The following PLXDC2 variants were observed in gnomAD, a reference collection of about 807,000 sequenced individuals.
PLXDC2 encodes the protein plexin domain containing 2.
In PLXDC2, 40 loss-of-function variants were observed where a neutral mutation model predicts 68.9. The ratio of observed to expected loss-of-function variants is 0.58; its 90% CI spans 0.45 to 0.76. The LOEUF (loss-of-function observed/expected upper bound fraction) is 0.76, where lower values mean the gene tolerates loss of function less well. Ranked by LOEUF, PLXDC2 falls within the 30% of genes least tolerant of loss-of-function variation. PLXDC2 has a pLI of 0.00. For missense variants in PLXDC2, 644 were observed against 661.9 expected, an observed-to-expected ratio of 0.97 and a Z score of 0.30; for synonymous variants, 243 against 234.2, an observed-to-expected ratio of 1.04 and a Z score of -0.34.
chr10:19,867,841 AT>A (rs1837451709), intron 1 of PLXDC2, among the ~76,000 whole-genome samples: 1 of 152,182 alleles, frequency 6.6e-6, no homozygotes, highest in Non-Finnish European at 1.5e-5. Flanking sequence ...TATAGTGTGT[AT>A]GTATAAATGT....
At chr10:20,204,799 C>T (rs780714304) in intron 9 of PLXDC2, among the ~76,000 whole-genome samples, 16 of 152,238 alleles carry the variant, frequency 1.1e-4, no homozygotes, top group East Asian at 5.8e-4. Flanking sequence ...ACAGAAACAA[C>T]GTAGCCCTCA....
intron 1 of PLXDC2, among the ~76,000 whole-genome samples, chr10:19,933,681 C>T (rs560372463): frequency 2.6e-5 from 4 of 151,698 alleles, no homozygotes; most frequent in East Asian, 3.9e-4. Context: ...AACACACACG[C>T]GTGCACACAC....
At chr10:20,215,227 C>T (rs1835119986) in intron 10 of PLXDC2, among the ~76,000 whole-genome samples, 1 of 148,452 alleles carries the variant, frequency 6.7e-6, no homozygotes, top group African/African-American at 2.4e-5. Flanking sequence ...ACATCTGCAC[C>T]ATAGGCTGAT....
intron 1 of PLXDC2, among the ~76,000 whole-genome samples, chr10:19,859,323 C>A (rs879548999): frequency 6.6e-6 from 1 of 152,120 alleles, no homozygotes; most frequent in African/African-American, 2.4e-5. Flanking sequence ...GCCAAAGCAA[C>A]GCTGTAAAAC....
At chr10:20,042,312 T>C (rs1439833925) in intron 2 of PLXDC2, among the ~76,000 whole-genome samples, 1 of 152,172 alleles carries the variant, frequency 6.6e-6, no homozygotes, top group Non-Finnish European at 1.5e-5. Flanking sequence ...TTCTGAGGAG[T>C]ATAATTTTCA....
intron 7 of PLXDC2, 25 bp downstream of exon 7, chr10:20,164,592 A>G (rs1237343386): frequency 3.2e-6 from 5 of 1,547,142 alleles, no homozygotes; most frequent in African/African-American, 1.4e-5. Context: ...GGCAGTCGCA[A>G]TGAGTGAGCC....
intron 3 of PLXDC2, among the ~76,000 whole-genome samples, chr10:20,048,813 A>G (rs1835842257): frequency 6.6e-6 from 1 of 152,056 alleles, no homozygotes; most frequent in South Asian, 2.1e-4. Flanking sequence ...TCTCTTTGCA[A>G]TAGGTTTTAC....
chr10:20,197,559 T>C (rs980614368), intron 9 of PLXDC2, among the ~76,000 whole-genome samples: 3 of 152,172 alleles, frequency 2.0e-5, no homozygotes, highest in Non-Finnish European at 4.4e-5. Flanking sequence ...GGTTTCACCA[T>C]GTTGGCCAGG....
At chr10:19,941,871 G>A (rs1833824599) in intron 1 of PLXDC2, among the ~76,000 whole-genome samples, 6 of 151,266 alleles carry the variant, frequency 4.0e-5, no homozygotes, top group Admixed American at 3.3e-4. Flanking sequence ...TTATCTCAGC[G>A]AGCTATTCAG....
chr10:20,044,902 A>G lies in PLXDC2; in HGVS notation c.325-1967A>G, dbSNP rs531109235. Among the ~76,000 whole-genome samples the G allele has an allele frequency of 3.5e-4, 54 of 152,260 alleles. 1 individual carries two copies. The South Asian group carries it at 0.01, about 29-fold the overall frequency. On this transcript the variant is annotated intron_variant, in intron 2 of 13. Transcript: ENST00000377252. Reference sequence around the variant, plus strand: ...TCCACATCTTCTGATGGTGAAGCCCAATATACACAGATGAGTAGTATACAT... The same window carrying G: ...TCCACATCTTCTGATGGTGAAGCCCGATATACACAGATGAGTAGTATACAT...
intron 4 of PLXDC2, among the ~76,000 whole-genome samples, chr10:20,089,180 G>GTA (rs1420738973): frequency 1.3e-5 from 1 of 75,840 alleles, no homozygotes; most frequent in South Asian, 3.4e-4. Context: ...GTGTGTGTGT[G>GTA]TGTGTGTGTG....
chr10:19,985,749 T>C (rs1834625923), intron 1 of PLXDC2, among the ~76,000 whole-genome samples: 1 of 152,240 alleles, frequency 6.6e-6, no homozygotes, highest in Admixed American at 6.5e-5. Context: ...AAGCAATCTA[T>C]TTTGAAGTCA....
At chr10:20,144,947 C>T (rs1331422228) in intron 5 of PLXDC2, among the ~76,000 whole-genome samples, 4 of 152,078 alleles carry the variant, frequency 2.6e-5, no homozygotes, top group African/African-American at 9.7e-5. Flanking sequence ...TTGAATTTTA[C>T]TCGTATTTGA....
intron 1 of PLXDC2, among the ~76,000 whole-genome samples, chr10:19,994,746 T>A (rs12354926): frequency 0.01 from 1,536 of 151,370 alleles, 13 homozygotes; most frequent in Non-Finnish European, 0.014. Flanking sequence ...ATTTATTGAT[T>A]TTTTTTTTGT....
chr10:20,254,386 G>C (rs1321936871), intron 13 of PLXDC2, among the ~76,000 whole-genome samples: 1 of 152,178 alleles, frequency 6.6e-6, no homozygotes, highest in Non-Finnish European at 1.5e-5. Context: ...CACTTGGGGA[G>C]TTAGGAAGAC....
chr10:20,124,858 C>A (rs1833750282), intron 4 of PLXDC2, among the ~76,000 whole-genome samples: 1 of 151,960 alleles, frequency 6.6e-6, no homozygotes, highest in Non-Finnish European at 1.5e-5. Context: ...TCAGTTAAGG[C>A]AGGAACTGGC....
intron 1 of PLXDC2, among the ~76,000 whole-genome samples, chr10:19,868,329 T>C (rs1229957650): frequency 2.0e-5 from 3 of 152,160 alleles, no homozygotes; most frequent in Non-Finnish European, 2.9e-5. Flanking sequence ...GACCATTTCT[T>C]CTCAATATTT....
At chr10:19,917,079 T>C (rs1833381653) in intron 1 of PLXDC2, among the ~76,000 whole-genome samples, 2 of 152,382 alleles carry the variant, frequency 1.3e-5, no homozygotes, top group African/African-American at 2.4e-5. Flanking sequence ...AAAGTCACTA[T>C]TGACAATATC....
intron 9 of PLXDC2, among the ~76,000 whole-genome samples, chr10:20,184,496 A>G (rs7912742): frequency 0.019 from 2,807 of 151,650 alleles, 114 homozygotes; most frequent in African/African-American, 0.065. Flanking sequence ...ATGTTGGCTA[A>G]TTGGTTAATA....
Sources: allele counts gnomAD v4.1 joint callset (sites outside exome capture counted in the v4.1 genomes callset), GRCh38; gene constraint gnomAD v4.1.1; transcripts MANE v1.5; gene names NCBI Gene and HGNC (gene_info 2026-07-23, HGNC 2026-07-21).